GAD2: variants seen among roughly 807,000 people sequenced by gnomAD.
GAD2 encodes the protein 65 kDa glutamic acid decarboxylase.
GAD2 carries 22 observed loss-of-function variants against 80.1 expected under a neutral mutation model. The ratio of observed to expected loss-of-function variants is 0.27; its 90% confidence interval spans 0.20 to 0.39. The LOEUF (loss-of-function observed/expected upper bound fraction) is 0.39, where lower values mean the gene tolerates loss of function less well. Among genes scored for constraint, GAD2 ranks in the 10% least tolerant of loss-of-function variants. GAD2 has a pLI of 1.00. For missense variants in GAD2, 624 were observed against 738.4 expected (o/e 0.85, Z 1.80); for synonymous variants, 274 against 256.9 (o/e 1.07, Z -0.64).
intron 8 of GAD2, among the ~76,000 whole-genome samples, chr10:26,246,423 C>G (rs1844811929): frequency 6.6e-6 from 1 of 152,148 alleles, no homozygotes; most frequent in Non-Finnish European, 1.5e-5. Flanking sequence ...AAAGCACCAG[C>G]AACTCAACAA....
chr10:26,262,711 GT>G (rs1226538160), intron 8 of GAD2, among the ~76,000 whole-genome samples: 1 of 152,052 alleles, frequency 6.6e-6, no homozygotes, highest in East Asian at 1.9e-4. Flanking sequence ...TGCTTCTCAT[GT>G]TTTTGTTTTA....
chr10:26,237,405 C>T (rs1589140318), intron 7 of GAD2, among the ~76,000 whole-genome samples: 1 of 152,066 alleles, frequency 6.6e-6, no homozygotes, highest in African/African-American at 2.4e-5. Flanking sequence ...TGATGATACC[C>T]AGCTCCCGTA....
rs1343688995 is a variant in GAD2, at chr10:26,217,694, C to A, written c.136+25C>A. 1 of 1,610,856 alleles carries A rather than the reference C, an allele frequency of 6.2e-7. No homozygotes were observed. Among genetic ancestry groups the A allele is most frequent in the Non-Finnish European group, 8.5e-7 (1 of 1,178,516 alleles). On this transcript the variant is annotated intron_variant, in intron 2 of 15. Transcript: ENST00000376261. This position sits in a 1 kb window ranked among gnomAD's most constrained non-coding sequence, Gnocchi z 4.9. ...GGTGAGTGCCCAGGGACCGGGGCGG[C>A]CAAGGTCGGCCCGCGGGGTCCAAGC...
intron 6 of GAD2, 188 bp downstream of exon 6, chr10:26,224,839 G>T: frequency 1.8e-6 from 1 of 559,176 alleles, no homozygotes; most frequent in Non-Finnish European, 3.2e-6. Context: ...AGTAACCCAT[G>T]CTTGAACATC....
chr10:26,289,575 A>T (rs1426701833), intron 13 of GAD2, among the ~76,000 whole-genome samples: 1 of 151,900 alleles, frequency 6.6e-6, no homozygotes, highest in African/African-American at 2.4e-5. Context: ...GCGGCATACT[A>T]GCTGGTTAAG....
At chr10:26,253,429 T>C (rs906113486) in intron 8 of GAD2, among the ~76,000 whole-genome samples, 1 of 152,168 alleles carries the variant, frequency 6.6e-6, no homozygotes, top group Non-Finnish European at 1.5e-5. Context: ...TAGCTAAGAA[T>C]AGAAAAGAAA....
At chr10:26,295,509 C>CACAT (rs1834264736) in intron 15 of GAD2, among the ~76,000 whole-genome samples, 1 of 23,800 alleles carries the variant, frequency 4.2e-5, no homozygotes, top group African/African-American at 4.6e-4. Flanking sequence ...CATACGCATG[C>CACAT]ACACACACAC....
chr10:26,234,804 G>A (rs1430758665), intron 7 of GAD2, among the ~76,000 whole-genome samples: 16 of 152,108 alleles, frequency 1.1e-4, no homozygotes, highest in Admixed American at 1.3e-4. Flanking sequence ...TGTCCTAAAC[G>A]CTTCTCTCTG....
chr10:26,218,989 C>A, intron 3 of GAD2, 54 bp from the exon 4 acceptor site: 2 of 1,353,800 alleles, frequency 1.5e-6, no homozygotes, highest in South Asian at 3.1e-5. Context: ...AAGATCTTGC[C>A]TTGAATATTT....
At chr10:26,250,189 TGTTC>T (rs1844861850) in intron 8 of GAD2, among the ~76,000 whole-genome samples, 1 of 152,088 alleles carries the variant, frequency 6.6e-6, no homozygotes, top group Admixed American at 6.5e-5. Context: ...CATTTTTGTT[TGTTC>T]GTTATAGAGA....
intron 8 of GAD2, among the ~76,000 whole-genome samples, chr10:26,246,605 T>C (rs561359615): frequency 7.2e-5 from 11 of 152,364 alleles, no homozygotes; most frequent in African/African-American, 2.4e-4. Context: ...CTCTAAAGTT[T>C]CATTAAGAAT....
At chr10:26,242,467 C>T (rs1028583763) in intron 7 of GAD2, among the ~76,000 whole-genome samples, 9 of 152,166 alleles carry the variant, frequency 5.9e-5, no homozygotes, top group Non-Finnish European at 1.2e-4. Flanking sequence ...CATGTGGTCT[C>T]GCCGGCCCAG....
At chr10:26,286,649 T>G (rs1324875495) in intron 13 of GAD2, among the ~76,000 whole-genome samples, 155 bp downstream of exon 13, 1 of 152,234 alleles carries the variant, frequency 6.6e-6, no homozygotes, top group East Asian at 1.9e-4. Flanking sequence ...TCATTTGACA[T>G]GAGGAAAAAT....
intron 7 of GAD2, among the ~76,000 whole-genome samples, chr10:26,230,141 C>A (rs1249274910): frequency 1.3e-5 from 2 of 151,954 alleles, no homozygotes; most frequent in Non-Finnish European, 2.9e-5. Context: ...ACACTCCAGC[C>A]TGGATGAAAG....
At chr10:26,255,827 T>C (rs1212010164) in intron 8 of GAD2, among the ~76,000 whole-genome samples, 1 of 151,684 alleles carries the variant, frequency 6.6e-6, no homozygotes, top group Non-Finnish European at 1.5e-5. Flanking sequence ...TGAAATTATT[T>C]CAAATCCTAA....
At chr10:26,272,466 C>G (rs2132306281) in intron 10 of GAD2, among the ~76,000 whole-genome samples, 1 of 152,290 alleles carries the variant, frequency 6.6e-6, no homozygotes, top group East Asian at 1.9e-4. Flanking sequence ...TTGAAACATA[C>G]CAAGTTTACC....
intron 7 of GAD2, among the ~76,000 whole-genome samples, chr10:26,239,669 G>A (rs1234817248): frequency 1.3e-5 from 2 of 152,186 alleles, no homozygotes; most frequent in African/African-American, 4.8e-5. Flanking sequence ...ATGAGATTAG[G>A]GTGGTAGTCA....
chr10:26,218,071 C>G (rs1844403713), intron 3 of GAD2, 80 bp downstream of exon 3: 2 of 1,444,978 alleles, frequency 1.4e-6, no homozygotes, highest in Non-Finnish European at 9.3e-7. Context: ...GGGTCCGGCG[C>G]TGAGAGCCGG....
rs1324660238 is a variant in GAD2 at position 26,292,925 on chromosome 10, C to T, written c.1518C>T (p.Phe506=). 6.2e-7 allele frequency: 1 copy of T among 1,613,910 alleles called. No homozygotes were observed. The highest frequency in any genetic ancestry group is 1.3e-5 in the African/African-American group (1 of 74,934). Residue 506 remains phenylalanine (F), a synonymous_variant, in exon 15 of 16, where the codon TTC becomes TTT. Transcript: ENST00000376261. The part of the protein sequence containing the change: ...DGKPQHTNVC[F]WYIPPSLRTL... ...AGCCTCAGCACACAAATGTCTGCTTCTGGTACATTCCTCCAAGCTTGCGTA... is the reference window on the plus strand; with the variant it reads ...AGCCTCAGCACACAAATGTCTGCTTTTGGTACATTCCTCCAAGCTTGCGTA...
Sources: gnomAD v4.1 joint callset for allele counts (sites outside exome capture counted in the v4.1 genomes callset) on GRCh38, gnomAD v4.1.1 for gene constraint, Gnocchi (gnomAD v3.1) non-coding constraint, MANE v1.5 for transcripts, NCBI Gene and HGNC (gene_info 2026-07-23, HGNC 2026-07-21) for gene names.